SUMF1: variants seen among roughly 807,000 people sequenced by gnomAD.
The protein encoded by SUMF1 is formylglycine-generating enzyme.
A neutral mutation model predicts 47.6 loss-of-function variants in SUMF1; 48 were observed. The observed-to-expected ratio is 1.01, with a 90% confidence interval of 0.80 to 1.28. The LOEUF (loss-of-function observed/expected upper bound fraction) is 1.28. SUMF1 is among the 50% of genes most tolerant of loss of function. The pLI is 0.00. For synonymous variants in SUMF1, 230 were observed against 192.1 expected (o/e 1.20, Z -1.63); for missense variants, 571 against 485.4 (o/e 1.18, Z -1.66).
Position 4,393,351 on chromosome 3 carries a change from G to A in SUMF1, c.955-16962C>T, listed in dbSNP as rs955560422. Among the ~76,000 whole-genome samples the A allele has an allele frequency of 3.3e-5, 5 of 152,164 alleles. No individual in the cohort carries two copies. The East Asian group carries it at 7.7e-4, about 24-fold the overall frequency. Reference sequence around the variant, plus strand: ...CAGTTACATTTTTATTTTAGTTTTAGAGACAGGGTCTCCCTGTGTCACCCA... The same window carrying A: ...CAGTTACATTTTTATTTTAGTTTTAAAGACAGGGTCTCCCTGTGTCACCCA... On this transcript the variant is annotated intron_variant, in intron 7 of 8. Transcript: ENST00000272902.
chr3:4,318,306 A>G (rs1698739386), intron 8 of SUMF1, among the ~76,000 whole-genome samples: 1 of 152,238 alleles, frequency 6.6e-6, no homozygotes, highest in Non-Finnish European at 1.5e-5. Context: ...TACGAAAATC[A>G]GTAAATCCAG....
At chr3:4,347,063 C>A (rs1460879439) in intron 8 of SUMF1, among the ~76,000 whole-genome samples, 1 of 152,094 alleles carries the variant, frequency 6.6e-6, no homozygotes, top group East Asian at 1.9e-4. Flanking sequence ...CTAAAAAAAG[C>A]CCAGGACCAG....
At chr3:4,055,023 C>G (rs959870823) in intron 9 of SUMF1, among the ~76,000 whole-genome samples, 1 of 152,134 alleles carries the variant, frequency 6.6e-6, no homozygotes, top group African/African-American at 2.4e-5. Flanking sequence ...CAGCACTTAA[C>G]CAACAGGCTG....
chr3:4,090,897 C>T (rs553964035), intron 8 of SUMF1, among the ~76,000 whole-genome samples: 28 of 151,936 alleles, frequency 1.8e-4, no homozygotes, highest in African/African-American at 6.3e-4. Flanking sequence ...CTGGCTAACA[C>T]GGTGAAACCT....
intron 8 of SUMF1, among the ~76,000 whole-genome samples, chr3:4,226,264 C>CTTTTTTTTTTTTTTT (rs869300368): frequency 3.2e-4 from 28 of 86,990 alleles, no homozygotes; most frequent in African/African-American, 4.1e-4. Context: ...TTTTTTGTTT[C>CTTTTTTTTTTTTTTT]TTTTTTTTTT....
chr3:4,252,930 C>T (rs1696839886), intron 8 of SUMF1, among the ~76,000 whole-genome samples: 2 of 152,174 alleles, frequency 1.3e-5, no homozygotes, highest in South Asian at 4.1e-4. Context: ...ATATTAAGTT[C>T]TCCACTAACT....
chr3:4,121,631 T>A (rs74791464), intron 8 of SUMF1, among the ~76,000 whole-genome samples: 14,874 of 152,160 alleles, frequency 0.098, 1,324 homozygotes, highest in African/African-American at 0.21. Context: ...GACCTAGCAA[T>A]TTCATTCCTA....
chr3:4,398,604 G>A (rs1701111604), intron 7 of SUMF1, among the ~76,000 whole-genome samples: 1 of 152,098 alleles, frequency 6.6e-6, no homozygotes, highest in African/African-American at 2.4e-5. Context: ...TCAGACGTCA[G>A]ATACAAAAAC....
At chr3:4,188,179 C>CT (rs112944580) in intron 8 of SUMF1, among the ~76,000 whole-genome samples, 1,878 of 144,504 alleles carry the variant, frequency 0.013, 24 homozygotes, top group Admixed American at 0.019. Context: ...TTAGGGTTCA[C>CT]TTTTTTTTTT....
At chr3:4,136,135 C>A (rs1281952547) in intron 8 of SUMF1, among the ~76,000 whole-genome samples, 5 of 152,094 alleles carry the variant, frequency 3.3e-5, no homozygotes, top group Non-Finnish European at 7.4e-5. Flanking sequence ...CTTTAAAGTT[C>A]ATACGGAACC....
chr3:4,250,368 C>G lies in SUMF1; in HGVS notation c.1014+125962G>C, dbSNP rs1175406564. 3.3e-5 allele frequency among the ~76,000 whole-genome samples: 5 copies of G among 152,060 alleles called. No individual in the cohort carries two copies. In the South Asian group the frequency reaches 1.0e-3, roughly 32 times the overall value. On this transcript the variant is annotated intron_variant and NMD_transcript_variant, in intron 8 of 12. Transcript: ENST00000448413. ...AGGGAAAGAAAGGAAAGAAAGTAAT[C>G]TAGCAGACGTTGGCTCATGAGGTTT...
intron 8 of SUMF1, among the ~76,000 whole-genome samples, chr3:4,315,706 A>G (rs1698609351): frequency 1.3e-5 from 2 of 152,148 alleles, no homozygotes; most frequent in Admixed American, 6.5e-5. Flanking sequence ...CCACTTGACT[A>G]TTATCCCATG....
At chr3:4,426,137 G>C (rs966907118) in intron 3 of SUMF1, among the ~76,000 whole-genome samples, 4 of 152,134 alleles carry the variant, frequency 2.6e-5, no homozygotes, top group African/African-American at 9.7e-5. Flanking sequence ...AGGGTGTGAG[G>C]GGTAAACAGA....
At chr3:4,269,460 T>C (rs1697262838) in intron 8 of SUMF1, among the ~76,000 whole-genome samples, 1 of 152,222 alleles carries the variant, frequency 6.6e-6, no homozygotes. Flanking sequence ...ACAATTTTAA[T>C]CCAGAGCTAG....
At chr3:4,188,324 A>T (rs542712567) in intron 8 of SUMF1, among the ~76,000 whole-genome samples, 2 of 151,974 alleles carry the variant, frequency 1.3e-5, no homozygotes, top group Non-Finnish European at 1.5e-5. Flanking sequence ...TACAGGAGGC[A>T]GGGTTCACTC....
intron 8 of SUMF1, among the ~76,000 whole-genome samples, chr3:4,262,021 C>G (rs896611186): frequency 2.0e-5 from 3 of 152,068 alleles, no homozygotes; most frequent in Non-Finnish European, 4.4e-5. Flanking sequence ...AGGTCTGGCC[C>G]TCTTCTTTTC....
chr3:4,096,218 C>T (rs374812017), intron 8 of SUMF1, among the ~76,000 whole-genome samples: 54 of 152,226 alleles, frequency 3.5e-4, no homozygotes, highest in African/African-American at 1.2e-3. Context: ...GAAAGCTGAG[C>T]ATCACCAACT....
chr3:4,268,460 C>T (rs1287725365), intron 8 of SUMF1, among the ~76,000 whole-genome samples: 2 of 151,048 alleles, frequency 1.3e-5, no homozygotes, highest in Admixed American at 6.6e-5. Context: ...ATAATAAAAC[C>T]CCGCAATTTG....
At chr3:4,237,296 T>A (rs1279189865) in intron 8 of SUMF1, among the ~76,000 whole-genome samples, 2 of 152,128 alleles carry the variant, frequency 1.3e-5, no homozygotes, top group Non-Finnish European at 2.9e-5. Context: ...CATTTGATGT[T>A]GTCAGTGTTT....
Sources: gnomAD v4.1 joint callset for allele counts (sites outside exome capture counted in the v4.1 genomes callset) on GRCh38, gnomAD v4.1.1 for gene constraint, MANE v1.5 for transcripts, NCBI Gene and HGNC (gene_info 2026-07-23, HGNC 2026-07-21) for gene names.